Variants in COA1 observed in about 807,000 individuals in gnomAD.
The protein encoded by COA1 is cytochrome c oxidase assembly factor 1.
COA1 carries 13 observed loss-of-function variants against 16.0 expected under a neutral mutation model. The observed-to-expected ratio is 0.81, with a 90% CI of 0.53 to 1.29. The LOEUF (loss-of-function observed/expected upper bound fraction) is 1.29. Ranked by LOEUF, COA1 falls within the 50% of genes most tolerant of loss-of-function variation. The pLI, the probability that COA1 is intolerant of heterozygous loss-of-function variation, is 0.00. For synonymous variants in COA1, 65 were observed against 65.7 expected (o/e 0.99, Z 0.05); for missense variants, 179 against 177.0 (o/e 1.01, Z -0.06).
chr7:43,659,738 G>A (rs140534785), intron 1 of COA1, among the ~76,000 whole-genome samples: 1 of 152,060 alleles, frequency 6.6e-6, no homozygotes, highest in African/African-American at 2.4e-5. Flanking sequence ...TATTTCTCTG[G>A]AGAGTCCTCT....
intron 6 of COA1, chr7:43,624,835 TCTA>T (rs1422330143): frequency 1.3e-6 from 2 of 1,597,460 alleles, no homozygotes; most frequent in African/African-American, 2.7e-5. Context: ...GGAGAATTTA[TCTA>T]CTGAGCAATA....
intron 6 of COA1, among the ~76,000 whole-genome samples, chr7:43,627,095 G>T (rs1583876219): frequency 6.6e-6 from 1 of 152,220 alleles, no homozygotes; most frequent in East Asian, 1.9e-4. Context: ...CAGTACTATT[G>T]AGTTTACTCG....
At chr7:43,704,707 T>C (rs1029361454) in intron 1 of COA1, among the ~76,000 whole-genome samples, 2 of 152,198 alleles carry the variant, frequency 1.3e-5, no homozygotes, top group Admixed American at 6.5e-5. Flanking sequence ...CTTTCAACTC[T>C]TGCACTCTTA....
exon 7 of COA1, chr7:43,608,468 G>T: frequency 6.6e-7 from 1 of 1,522,152 alleles, no homozygotes; most frequent in Non-Finnish European, 8.9e-7. Context: ...ATTTAACAGT[G>T]ATTTATTCAA....
chr7:43,717,129 C>G (rs113959999), intron 1 of COA1, among the ~76,000 whole-genome samples: 178 of 152,348 alleles, frequency 1.2e-3, no homozygotes, highest in African/African-American at 3.6e-3. Flanking sequence ...AGCCCCCACA[C>G]AGAGTCCCTA....
intron 1 of COA1, among the ~76,000 whole-genome samples, chr7:43,687,921 A>C (rs892225101): frequency 2.0e-5 from 3 of 152,088 alleles, no homozygotes; most frequent in South Asian, 2.1e-4. Flanking sequence ...TGTGGGAGGG[A>C]CCCAGAGGGA....
intron 4 of COA1, among the ~76,000 whole-genome samples, chr7:43,644,781 GGCAGGCAGGCAGAGAGAC>G (rs2088581596): frequency 2.5e-5 from 3 of 120,986 alleles, no homozygotes; most frequent in Admixed American, 8.7e-5. Context: ...CAGGCAGGCA[GGCAGGCAGGCAGAGAGAC>G]AGAGAGAGAG....
chr7:43,689,853 A>G (rs2094196041), intron 1 of COA1, among the ~76,000 whole-genome samples: 1 of 152,216 alleles, frequency 6.6e-6, no homozygotes, highest in Non-Finnish European at 1.5e-5. Context: ...ATAAGCTTAG[A>G]GACATATAAC....
intron 1 of COA1, among the ~76,000 whole-genome samples, chr7:43,684,324 C>T (rs1277876228): frequency 6.6e-6 from 1 of 152,068 alleles, no homozygotes; most frequent in African/African-American, 2.4e-5. Flanking sequence ...GCTGTGCGGC[C>T]GGGAGTGGGT....
At chr7:43,675,460 G>A (rs912008144) in intron 1 of COA1, among the ~76,000 whole-genome samples, 2 of 149,510 alleles carry the variant, frequency 1.3e-5, no homozygotes, top group Admixed American at 1.3e-4. Context: ...TGGGGTGGGG[G>A]CAGGGGGGAG....
intron 1 of COA1, among the ~76,000 whole-genome samples, chr7:43,675,611 T>TA (rs1002653217): frequency 1.3e-5 from 2 of 151,908 alleles, no homozygotes; most frequent in African/African-American, 2.4e-5. Flanking sequence ...AATAATAAAA[T>TA]AAAAAAAGAG....
At chr7:43,723,988 T>C (rs1406662201) in intron 1 of COA1, among the ~76,000 whole-genome samples, 2 of 152,186 alleles carry the variant, frequency 1.3e-5, no homozygotes, top group South Asian at 2.1e-4. Flanking sequence ...AAACTATCCA[T>C]GATAAACTTT....
chr7:43,685,023 C>A (rs950770714), intron 1 of COA1, among the ~76,000 whole-genome samples: 9 of 152,022 alleles, frequency 5.9e-5, no homozygotes, highest in African/African-American at 1.9e-4. Context: ...GTGGCTCACA[C>A]CTGTAATGCC....
chr7:43,721,898 C>A (rs2095512059), intron 1 of COA1, among the ~76,000 whole-genome samples: 1 of 132,336 alleles, frequency 7.6e-6, no homozygotes, highest in South Asian at 2.9e-4. Context: ...AGCTCAAAGG[C>A]TTGAAGCCCA....
chr7:43,651,523 C>G (rs1226182821), intron 1 of COA1, among the ~76,000 whole-genome samples: 3 of 152,118 alleles, frequency 2.0e-5, no homozygotes, highest in Non-Finnish European at 2.9e-5. Flanking sequence ...CTGGAGGATC[C>G]TCCTGTCAGC....
At chr7:43,691,455 AAG>A (rs1349929779) in intron 1 of COA1, among the ~76,000 whole-genome samples, 1 of 149,234 alleles carries the variant, frequency 6.7e-6, no homozygotes, top group African/African-American at 2.6e-5. Context: ...GAAAGAAAGA[AAG>A]AAAGAAAGAA....
chr7:43,717,555 G>A (rs899923280), intron 1 of COA1, among the ~76,000 whole-genome samples: 1 of 152,232 alleles, frequency 6.6e-6, no homozygotes, highest in Non-Finnish European at 1.5e-5. Context: ...CTTATAGGCA[G>A]AAGGGACTTG....
chr7:43,612,506 C>T (rs528916501), intron 6 of COA1, among the ~76,000 whole-genome samples: 1 of 152,292 alleles, frequency 6.6e-6, no homozygotes, highest in Admixed American at 6.5e-5. Flanking sequence ...CCCACATTGC[C>T]TCAAAGCTAA....
intron 6 of COA1, chr7:43,622,700 TTTTTG>T (rs1300769102): frequency 5.7e-5 from 3 of 52,804 alleles, no homozygotes; most frequent in South Asian, 7.1e-4. Flanking sequence ...AAGTTTTTTG[TTTTTG>T]TTTTTTTTTT....
Sources: gnomAD v4.1 joint callset for allele counts (sites outside exome capture counted in the v4.1 genomes callset) on GRCh38, gnomAD v4.1.1 for gene constraint, MANE v1.5 for transcripts, NCBI Gene and HGNC (gene_info 2026-07-23, HGNC 2026-07-21) for gene names.